PHF7: variants seen among roughly 807,000 people sequenced by gnomAD.
PHF7 encodes PHD finger protein 7, also known as E3 ubiquitin-protein ligase PHF7.
In PHF7, 24 loss-of-function variants were observed where a neutral mutation model predicts 47.5. The ratio of observed to expected loss-of-function variants is 0.51; its 90% confidence interval spans 0.37 to 0.71. PHF7 has a LOEUF of 0.71. Among genes scored for constraint, PHF7 ranks in the 30% least tolerant of loss-of-function variants. PHF7 has a pLI of 0.00. For synonymous variants in PHF7, 156 were observed against 153.8 expected (o/e 1.01, Z -0.11); for missense variants, 361 against 456.8 (o/e 0.79, Z 1.91).
chr3:52,421,337 T>C (rs1040368863), intron 7 of PHF7, among the ~76,000 whole-genome samples: 1 of 152,220 alleles, frequency 6.6e-6, no homozygotes, highest in Non-Finnish European at 1.5e-5. Flanking sequence ...GAGAAGCCTC[T>C]ATGTCAGCCT....
At position 52,422,331 on chromosome 3, in the gene PHF7, G is replaced by A. The variant is rs767463594; in HGVS notation, c.790G>A (p.Asp264Asn). ...LYEQGRDSFE[D>N]EGRWCLILCA... ...TGAACAAGGCAGAGACAGCTTTGAG[G>A]ATGAAGGGTAGGGGAAGGCTTCTGG... Residue 264 changes from aspartate (D) to asparagine (N), a missense_variant, in exon 9 of 11, where the codon GAT becomes AAT. Coordinates refer to ENST00000327906, the MANE Select transcript of PHF7 (RefSeq NM_016483.7). The A allele has an allele frequency of 6.2e-7, 1 of 1,600,866 alleles. No individual in the cohort carries two copies. The highest frequency in any genetic ancestry group is 8.6e-7 in the Non-Finnish European group (1 of 1,167,880).
intron 2 of PHF7, 129 bp from the exon 3 acceptor site, chr3:52,413,867 C>T (rs1705539792): frequency 1.5e-6 from 1 of 673,718 alleles, no homozygotes. Flanking sequence ...TGAAAAGAAG[C>T]TGATGTCTTA....
At chr3:52,416,191 T>G (rs1169542273) in intron 4 of PHF7, among the ~76,000 whole-genome samples, 2 of 149,904 alleles carry the variant, frequency 1.3e-5, no homozygotes, top group Non-Finnish European at 3.0e-5. Flanking sequence ...TTTTTTGGTT[T>G]TTTTTTTTTT....
chr3:52,412,410 G>GT (rs897188550), intron 1 of PHF7, among the ~76,000 whole-genome samples: 1 of 152,120 alleles, frequency 6.6e-6, no homozygotes, highest in Non-Finnish European at 1.5e-5. Flanking sequence ...GCTACTTCAC[G>GT]TATTTTTTTG....
intron 5 of PHF7, 98 bp from the exon 6 acceptor site, chr3:52,420,213 A>G (rs778587370): frequency 7.5e-7 from 1 of 1,339,368 alleles, no homozygotes; most frequent in Non-Finnish European, 1.1e-6. Flanking sequence ...GGGAATGGCT[A>G]TTATTTCACA....
intron 2 of PHF7, among the ~76,000 whole-genome samples, chr3:52,413,288 T>C (rs1399624333): frequency 2.6e-5 from 4 of 152,216 alleles, no homozygotes; most frequent in Admixed American, 2.6e-4. Flanking sequence ...CCAATACATG[T>C]AAAGTGCCAA....
At chr3:52,422,658 G>T in intron 9 of PHF7, 102 bp from the exon 10 acceptor site, 1 of 1,233,006 alleles carries the variant, frequency 8.1e-7, no homozygotes, top group South Asian at 1.2e-5. Context: ...ATTCATCTTG[G>T]GTAAAATGTG....
intron 4 of PHF7, among the ~76,000 whole-genome samples, chr3:52,416,340 C>T (rs1246382526): frequency 6.6e-6 from 1 of 151,398 alleles, no homozygotes; most frequent in Non-Finnish European, 1.5e-5. Context: ...TGCCTGTCAC[C>T]ACGCATGGCT....
At chr3:52,413,313 A>T (rs1023717905) in intron 2 of PHF7, among the ~76,000 whole-genome samples, 2 of 152,224 alleles carry the variant, frequency 1.3e-5, no homozygotes, top group African/African-American at 4.8e-5. Flanking sequence ...AGTGCCTCGC[A>T]ACAGGAAATA....
rs112413797 is a variant in PHF7 at position 52,421,755 on chromosome 3, G to T, written c.680+1G>T. Reference sequence around the variant, plus strand: ...GAATGGGAATTCATATTCCAGACAGGTAGTGGGAACCCCAAAGCAGGAACT... The same window carrying T: ...GAATGGGAATTCATATTCCAGACAGTTAGTGGGAACCCCAAAGCAGGAACT... On this transcript the variant is annotated splice_donor_variant, in intron 8 of 10. Coordinates refer to ENST00000327906, the MANE Select transcript of PHF7 (RefSeq NM_016483.7). LOFTEE classifies it high-confidence loss of function. The T allele has an allele frequency of 6.5e-7, 1 of 1,531,466 alleles. No individual in the cohort carries two copies. 94.9% of individuals were successfully genotyped at this position (1,531,466 alleles called of 1,614,324 possible).
chr3:52,416,832 CAAAA>C (rs55888689), intron 4 of PHF7, among the ~76,000 whole-genome samples: 15 of 119,000 alleles, frequency 1.3e-4, no homozygotes, highest in African/African-American at 4.1e-4. Context: ...GACTCCGTCT[CAAAA>C]AAAAAAAAAA....
At position 52,423,100 on chromosome 3, in the gene PHF7, C is replaced by T. The variant is rs1416499027; in HGVS notation, c.929C>T (p.Pro310Leu). The change falls in exon 11 of 11, where the codon CCT (proline) becomes CTT (leucine). Residue 310 changes from proline to leucine, a missense_variant. Coordinates refer to ENST00000327906, the MANE Select transcript of PHF7 (RefSeq NM_016483.7). ...CSPAAATDYI[P>L]ENSGDIPCCS... ...GCCTTTCTCTCACCAGACTACATACCTGAAAACTCAGGGGACATCCCTTGC... is the reference window on the plus strand; with the variant it reads ...GCCTTTCTCTCACCAGACTACATACTTGAAAACTCAGGGGACATCCCTTGC... 3 of 1,611,074 alleles carry T rather than the reference C, an allele frequency of 1.9e-6. No individual in the cohort carries two copies. The highest frequency in any genetic ancestry group is 2.7e-5 in the African/African-American group (2 of 74,850).
rs533810040 is a variant in PHF7, at chr3:52,422,555, A to C, written c.798-205A>C. 103 of 660,128 alleles carry C rather than the reference A, an allele frequency of 1.6e-4. No homozygotes were observed. The African/African-American group carries it at 1.7e-3, about 11-fold the overall frequency. The allele number at this position is 660,128 out of a possible 1,614,324, so 40.9% of individuals were successfully genotyped here. A position where few individuals can be genotyped will look rare whatever the true frequency, so the allele number is the denominator to read the frequency against. ...TTCACCTTGTGCCCAGTGGAGAGAC[A>C]TTCAGAGCCAATTCCTTTCCTAATC... On this transcript the variant is annotated intron_variant, in intron 9 of 10. Transcript: ENST00000327906.
Position 52,423,252 on chromosome 3 carries a change from A to G in PHF7, c.1081A>G (p.Arg361Gly). The G allele has an allele frequency of 6.2e-7, 1 of 1,614,192 alleles. No individual in the cohort carries two copies. Among genetic ancestry groups the G allele is most frequent in the Non-Finnish European group, 8.5e-7 (1 of 1,180,006 alleles). The change falls in exon 11 of 11, where the codon AGG becomes GGG. Residue 361 changes from arginine to glycine, a missense_variant. By Grantham distance (125) the Arg-to-Gly change is moderately radical. Transcript: ENST00000327906. ...AGAAAAGCCAGAGTCCTCTCGTGGC[A>G]GGAGGAGCTACTCCTGGAGGTCCAA... The part of the protein sequence containing the change: ...LLEKPESSRG[R>G]RSYSWRSKGV...
chr3:52,418,269 A>G (rs756565584), intron 4 of PHF7, among the ~76,000 whole-genome samples: 2 of 152,178 alleles, frequency 1.3e-5, no homozygotes, highest in Non-Finnish European at 2.9e-5. Flanking sequence ...TATAATTTTG[A>G]TGTATTTACA....
chr3:52,420,623 C>A (rs1705757683), intron 6 of PHF7, among the ~76,000 whole-genome samples, 188 bp downstream of exon 6: 1 of 152,160 alleles, frequency 6.6e-6, no homozygotes, highest in Non-Finnish European at 1.5e-5. Context: ...GCTTCCTGAC[C>A]CCTCCTTAAA....
intron 4 of PHF7, among the ~76,000 whole-genome samples, chr3:52,419,271 T>C (rs923858501): frequency 1.3e-5 from 2 of 152,112 alleles, no homozygotes; most frequent in African/African-American, 2.4e-5. Context: ...TCCTATAAAA[T>C]GAGGACAATA....
chr3:52,422,401 C>A, intron 9 of PHF7, 63 bp downstream of exon 9: 2 of 1,045,718 alleles, frequency 1.9e-6, no homozygotes, highest in Non-Finnish European at 3.0e-6. Flanking sequence ...TAGACCTTGG[C>A]ACAGTTATTA....
chr3:52,422,163 TG>T, intron 8 of PHF7, 58 bp from the exon 9 acceptor site: 1 of 1,178,362 alleles, frequency 8.5e-7, no homozygotes, highest in Non-Finnish European at 1.3e-6. Context: ...TCCTCCCTGA[TG>T]GACAAAAGTT....
Sources: allele counts gnomAD v4.1 joint callset (sites outside exome capture counted in the v4.1 genomes callset), GRCh38; gene constraint gnomAD v4.1.1; transcripts MANE v1.5; gene names NCBI Gene and HGNC (gene_info 2026-07-23, HGNC 2026-07-21).